Variants in BMPR2 observed in about 807,000 individuals in gnomAD.
The protein encoded by BMPR2 is bone morphogenetic protein receptor type-2.
Under a neutral mutation model 100.8 loss-of-function variants are expected in BMPR2, and 29 were observed. That is an observed-to-expected ratio of 0.29 (90% CI 0.21 to 0.39). BMPR2 has a LOEUF of 0.39. Among genes scored for constraint, BMPR2 ranks in the 10% least tolerant of loss-of-function variants. The probability of loss-of-function intolerance (pLI) is 1.00; values close to 1 mark genes in which losing one functional copy is unlikely to be tolerated. For missense variants in BMPR2, 1,011 were observed against 1,274.5 expected, an observed-to-expected ratio of 0.79 and a Z score of 3.15; for synonymous variants, 382 against 442.3, an observed-to-expected ratio of 0.86 and a Z score of 1.71.
At chr2:202,418,165 C>T (rs1691177382) in intron 1 of BMPR2, among the ~76,000 whole-genome samples, 1 of 152,186 alleles carries the variant, frequency 6.6e-6, no homozygotes, top group Non-Finnish European at 1.5e-5. Context: ...GGAACTAAGC[C>T]TGCAATATCA....
Position 202,480,953 on chromosome 2 carries a change from T to TAAAA in BMPR2, c.418+13288_418+13291dup, listed in dbSNP as rs71035011. On this transcript the variant is annotated intron_variant, in intron 3 of 12. Transcript: ENST00000374580. ...CTGGGCGACAGACCGAGACTCCGTC[T>TAAAA]AAAAAAAAAAAAAAAAAAAAAAAAA... 3.9e-3 allele frequency among the ~76,000 whole-genome samples: 170 copies of TAAAA among 43,348 alleles called. 18 individuals are homozygous for TAAAA. Among genetic ancestry groups the TAAAA allele is most frequent in the African/African-American group, 0.015 (145 of 9,890 alleles). 28.4% of individuals were successfully genotyped at this position (43,348 alleles called of 152,430 possible).
chr2:202,487,187 T>C (rs1692795199), intron 3 of BMPR2, among the ~76,000 whole-genome samples: 1 of 152,230 alleles, frequency 6.6e-6, no homozygotes, highest in Non-Finnish European at 1.5e-5. Flanking sequence ...CCTATGAAGC[T>C]TTATTATGCA....
intron 7 of BMPR2, 116 bp downstream of exon 7, chr2:202,520,317 A>G: frequency 1.3e-6 from 1 of 782,842 alleles, no homozygotes; most frequent in South Asian, 1.6e-5. Context: ...ATTTATTATT[A>G]GTCAGTTGTT....
Position 202,562,477 on chromosome 2 carries a change from TA to T in BMPR2, c.*2535del, listed in dbSNP as rs1688691896. The T allele has an allele frequency of 6.6e-6, 1 of 152,590 alleles. No homozygotes were observed. Among genetic ancestry groups the T allele is most frequent in the African/African-American group, 2.4e-5 (1 of 41,438 alleles). 9.5% of individuals were successfully genotyped at this position (152,590 alleles called of 1,614,324 possible). A position where few individuals can be genotyped will look rare whatever the true frequency, so the allele number is the denominator to read the frequency against. On this transcript the variant is annotated 3_prime_UTR_variant, in exon 13 of 13. Transcript: ENST00000374580. ...AATTTTAAATTGTACATCAGACTTTTAAAATCTGTAATATACAAGCAAGCAA... is the reference window on the plus strand; with the variant it reads ...AATTTTAAATTGTACATCAGACTTTTAAATCTGTAATATACAAGCAAGCAA...
At chr2:202,525,948 C>T (rs1687903594) in intron 7 of BMPR2, among the ~76,000 whole-genome samples, 1 of 141,924 alleles carries the variant, frequency 7.0e-6, no homozygotes, top group African/African-American at 2.6e-5. Context: ...TCACTGCAAC[C>T]TCCGCCTCCC....
intron 3 of BMPR2, among the ~76,000 whole-genome samples, chr2:202,512,778 G>C (rs540268848): frequency 1.3e-5 from 2 of 151,962 alleles, no homozygotes; most frequent in South Asian, 2.1e-4. Context: ...AGTAAACTTG[G>C]GCTCAGATAG....
rs183429474 is a variant in BMPR2, at chr2:202,471,626, C to T, written c.418+3937C>T. On this transcript the variant is annotated intron_variant, in intron 3 of 12. Coordinates refer to ENST00000374580, the MANE Select transcript of BMPR2 (RefSeq NM_001204.7). ...AATGTTCTGTTACAAAAAGGGGGATCGCATTTTTCAAAAATGCGAATGTCA... is the reference window on the plus strand; with the variant it reads ...AATGTTCTGTTACAAAAAGGGGGATTGCATTTTTCAAAAATGCGAATGTCA... Among the ~76,000 whole-genome samples, 25 of 152,030 alleles carry T rather than the reference C, an allele frequency of 1.6e-4. 1 individual carries two copies. The highest frequency in any genetic ancestry group is 3.3e-4 in the Admixed American group (5 of 15,252).
intron 1 of BMPR2, among the ~76,000 whole-genome samples, chr2:202,462,231 T>C (rs923524060): frequency 7.3e-6 from 1 of 136,960 alleles, no homozygotes; most frequent in African/African-American, 3.3e-5. Flanking sequence ...GAACCACTAT[T>C]TTTTTTTTTT....
At chr2:202,556,604 A>C in intron 12 of BMPR2, 73 bp downstream of exon 12, 1 of 1,499,020 alleles carries the variant, frequency 6.7e-7, no homozygotes, top group Admixed American at 1.7e-5. Context: ...AGAATCAACT[A>C]ATAGATATAT....
At chr2:202,425,406 T>C (rs1274019602) in intron 1 of BMPR2, among the ~76,000 whole-genome samples, 1 of 152,196 alleles carries the variant, frequency 6.6e-6, no homozygotes, top group Non-Finnish European at 1.5e-5. Context: ...ATTTGTCTTA[T>C]TTGAACATGG....
intron 3 of BMPR2, among the ~76,000 whole-genome samples, chr2:202,494,832 G>C (rs1692988164): frequency 6.6e-6 from 1 of 152,188 alleles, no homozygotes; most frequent in African/African-American, 2.4e-5. Flanking sequence ...CAGTTTTTCA[G>C]GGATCTCATA....
In BMPR2 at chr2:202,532,743, C is replaced by T; in HGVS notation, c.1276+11C>T. ...CAGACCTCTTCCCAGGTAAAAACTA[C>T]TGTCAAAAGTTGATATTTTTTGAAG... is the stretch of plus-strand genomic sequence containing the variant. On this transcript the variant is annotated intron_variant, in intron 9 of 12. Coordinates refer to ENST00000374580, the MANE Select transcript of BMPR2 (RefSeq NM_001204.7). The surrounding 1 kb of genome is among the most constrained non-coding windows in gnomAD (Gnocchi z 4.1). The T allele has an allele frequency of 6.2e-7, 1 of 1,610,200 alleles. No homozygotes were observed. The highest frequency in any genetic ancestry group is 1.1e-5 in the South Asian group (1 of 91,066).
chr2:202,535,465 G>A (rs1213823693), intron 9 of BMPR2, among the ~76,000 whole-genome samples: 17 of 150,514 alleles, frequency 1.1e-4, no homozygotes, highest in East Asian at 6.0e-4. Flanking sequence ...GGGCAGAGGC[G>A]CTCCCCACAT....
chr2:202,522,408 G>A (rs1398893562), intron 7 of BMPR2, among the ~76,000 whole-genome samples: 2 of 151,686 alleles, frequency 1.3e-5, no homozygotes, highest in African/African-American at 4.8e-5. Context: ...TGAGGAGGCT[G>A]AGGCAGGAGA....
chr2:202,522,421 C>T (rs1278417419), intron 7 of BMPR2, among the ~76,000 whole-genome samples: 2 of 149,476 alleles, frequency 1.3e-5, no homozygotes, highest in African/African-American at 2.5e-5. Flanking sequence ...GCAGGAGAAT[C>T]GTTTGAACCT....
chr2:202,532,461 A>T lies in BMPR2; in HGVS notation c.1129-124A>T. ...TAAAAAATAAGTTATAGAAAGGTTTAATGACATGGTTAGGGTCAAATAACA... is the reference window on the plus strand; with the variant it reads ...TAAAAAATAAGTTATAGAAAGGTTTTATGACATGGTTAGGGTCAAATAACA... On this transcript the variant is annotated intron_variant, in intron 8 of 12. Coordinates refer to ENST00000374580, the MANE Select transcript of BMPR2 (RefSeq NM_001204.7). This position sits in a 1 kb window ranked among gnomAD's most constrained non-coding sequence, Gnocchi z 4.1. The T allele has an allele frequency of 8.3e-7, 1 of 1,203,688 alleles. No homozygotes were observed. The highest frequency in any genetic ancestry group is 1.2e-6 in the Non-Finnish European group (1 of 844,412). 74.6% of individuals were successfully genotyped at this position (1,203,688 alleles called of 1,614,324 possible).
At chr2:202,546,794 G>A (rs1273125844) in intron 10 of BMPR2, among the ~76,000 whole-genome samples, 1 of 152,006 alleles carries the variant, frequency 6.6e-6, no homozygotes, top group African/African-American at 2.4e-5. Context: ...CGTAGAGATG[G>A]GGTTTCACCA....
intron 7 of BMPR2, among the ~76,000 whole-genome samples, chr2:202,522,277 G>A (rs1261139104): frequency 6.6e-6 from 1 of 152,176 alleles, no homozygotes; most frequent in Non-Finnish European, 1.5e-5. Context: ...GGAGGCCGAG[G>A]TGGGCGGATC....
intron 2 of BMPR2, among the ~76,000 whole-genome samples, chr2:202,466,612 AT>A (rs1692327902): frequency 6.7e-6 from 1 of 149,520 alleles, no homozygotes; most frequent in South Asian, 2.1e-4. Context: ...TTATTTATTT[AT>A]TTGTTATTGT....
Sources: gnomAD v4.1 joint callset for allele counts (sites outside exome capture counted in the v4.1 genomes callset) on GRCh38, gnomAD v4.1.1 for gene constraint, Gnocchi (gnomAD v3.1) non-coding constraint, MANE v1.5 for transcripts, NCBI Gene and HGNC (gene_info 2026-07-23, HGNC 2026-07-21) for gene names.